The following SCFD2 variants were observed in gnomAD, a reference collection of about 807,000 sequenced individuals.
The protein encoded by SCFD2 is sec1 family domain containing 2.
SCFD2 carries 54 observed loss-of-function variants against 58.9 expected under a neutral mutation model. The ratio of observed to expected loss-of-function variants is 0.92; its 90% CI spans 0.74 to 1.15. The LOEUF is 1.15. Among genes scored for constraint, SCFD2 ranks in the 50% most tolerant of loss-of-function variants. SCFD2 has a pLI of 0.00. For synonymous variants in SCFD2, 321 were observed against 335.9 expected, an observed-to-expected ratio of 0.96 and a Z score of 0.49; for missense variants, 805 against 836.6, an observed-to-expected ratio of 0.96 and a Z score of 0.47.
At chr4:53,287,649 A>G (rs1731711636) in intron 3 of SCFD2, among the ~76,000 whole-genome samples, 1 of 152,220 alleles carries the variant, frequency 6.6e-6, no homozygotes, top group Non-Finnish European at 1.5e-5. Context: ...CCAGATACAC[A>G]GACATCACCA....
intron 5 of SCFD2, among the ~76,000 whole-genome samples, chr4:52,965,011 A>G (rs1720930172): frequency 7.4e-6 from 1 of 134,312 alleles, no homozygotes; most frequent in Admixed American, 8.3e-5. Context: ...AAAACAAAAC[A>G]CAAACACACA....
In SCFD2 at chr4:53,356,731, CT is replaced by C. The variant is rs369411706; in HGVS notation, c.839-3966del. 5.3e-4 allele frequency among the ~76,000 whole-genome samples: 60 copies of C among 112,906 alleles called. 1 individual carries two copies. The highest frequency in any genetic ancestry group is 2.0e-3 in the South Asian group (7 of 3,536). 74.1% of individuals were successfully genotyped at this position (112,906 alleles called of 152,430 possible). On this transcript the variant is annotated intron_variant, in intron 1 of 8. Coordinates refer to ENST00000401642, the MANE Select transcript of SCFD2 (RefSeq NM_152540.4). ...TGAGTCACCACACCCAACTTGTAGA[CT>C]TTTTTTTTTTTTTTTTTTTGTTGAG...
intron 3 of SCFD2, among the ~76,000 whole-genome samples, chr4:53,298,210 G>A (rs568332019): frequency 6.6e-6 from 1 of 152,174 alleles, no homozygotes; most frequent in Non-Finnish European, 1.5e-5. Context: ...AGAAAGGGGT[G>A]ACAGACGGCA....
At chr4:53,141,956 C>G (rs1238015850) in intron 5 of SCFD2, among the ~76,000 whole-genome samples, 1 of 151,998 alleles carries the variant, frequency 6.6e-6, no homozygotes, top group African/African-American at 2.4e-5. Context: ...CCCACCAAAT[C>G]CACTCAGGCT....
Position 53,322,395 on chromosome 4 carries a change from T to C in SCFD2, c.1008-8632A>G, listed in dbSNP as rs1733052376. Among the ~76,000 whole-genome samples the C allele has an allele frequency of 5.9e-5, 9 of 152,132 alleles. No homozygotes were observed. In the South Asian group the frequency reaches 1.9e-3, roughly 32 times the overall value. On this transcript the variant is annotated intron_variant, in intron 2 of 8. Coordinates refer to ENST00000401642, the MANE Select transcript of SCFD2 (RefSeq NM_152540.4). ...AAATGGCATGGCAACATCAGAAAGT[T>C]ACCCTATATGGTCTACAAAGGAGAG...
intron 5 of SCFD2, among the ~76,000 whole-genome samples, chr4:53,065,521 T>A (rs1402420803): frequency 6.6e-6 from 1 of 152,102 alleles, no homozygotes; most frequent in African/African-American, 2.4e-5. Context: ...TAAAAGAATT[T>A]GTTATTTTTC....
At chr4:53,109,285 C>G (rs1725097848) in intron 5 of SCFD2, among the ~76,000 whole-genome samples, 1 of 152,160 alleles carries the variant, frequency 6.6e-6, no homozygotes, top group South Asian at 2.1e-4. Flanking sequence ...AAACTGGAAG[C>G]ATTCCCTTTG....
intron 4 of SCFD2, among the ~76,000 whole-genome samples, chr4:53,248,616 CT>C (rs1219739332): frequency 6.6e-6 from 1 of 152,242 alleles, no homozygotes; most frequent in African/African-American, 2.4e-5. Context: ...TCCCTGACCC[CT>C]GACCCCCGAG....
At chr4:53,004,567 T>C (rs79492503) in intron 5 of SCFD2, among the ~76,000 whole-genome samples, 14,679 of 152,254 alleles carry the variant, frequency 0.096, 932 homozygotes, top group South Asian at 0.18. Flanking sequence ...CACGTAGATG[T>C]TAAGTAGCTT....
At chr4:53,057,598 G>A (rs147962669) in intron 5 of SCFD2, among the ~76,000 whole-genome samples, 5,593 of 152,138 alleles carry the variant, frequency 0.037, 116 homozygotes, top group African/African-American at 0.063. Flanking sequence ...GTCAATAGGT[G>A]CAGCAAACCA....
At chr4:53,107,833 C>G (rs1388039837) in intron 5 of SCFD2, among the ~76,000 whole-genome samples, 1 of 152,192 alleles carries the variant, frequency 6.6e-6, no homozygotes, top group Non-Finnish European at 1.5e-5. Context: ...AGAAAATTAA[C>G]AAGAATATTC....
At chr4:52,932,183 A>G (rs529978967) in intron 5 of SCFD2, among the ~76,000 whole-genome samples, 13 of 152,364 alleles carry the variant, frequency 8.5e-5, no homozygotes, top group Admixed American at 6.5e-4. Context: ...AGAAATGCCA[A>G]TAAAATTGGA....
intron 2 of SCFD2, among the ~76,000 whole-genome samples, chr4:53,330,216 C>T (rs1222117847): frequency 1.3e-5 from 2 of 152,060 alleles, no homozygotes; most frequent in African/African-American, 4.8e-5. Flanking sequence ...CAAGGCAAGC[C>T]AACGTTCAGA....
At chr4:53,270,599 C>T (rs570933417) in intron 4 of SCFD2, among the ~76,000 whole-genome samples, 2 of 152,136 alleles carry the variant, frequency 1.3e-5, no homozygotes, top group South Asian at 4.2e-4. Context: ...ACACAGAAGG[C>T]CCAGGACAAT....
intron 5 of SCFD2, among the ~76,000 whole-genome samples, chr4:52,975,883 T>C (rs1367786630): frequency 6.6e-6 from 1 of 151,984 alleles, no homozygotes; most frequent in Non-Finnish European, 1.5e-5. Context: ...GGGACACGGA[T>C]GAAGCTGGAA....
intron 7 of SCFD2, among the ~76,000 whole-genome samples, chr4:52,890,709 C>T (rs1157792583): frequency 6.6e-6 from 1 of 152,198 alleles, no homozygotes; most frequent in Non-Finnish European, 1.5e-5. Flanking sequence ...GATTTTAAGA[C>T]ATCAGTTCTG....
At chr4:53,006,217 T>C (rs999314666) in intron 5 of SCFD2, among the ~76,000 whole-genome samples, 1 of 152,120 alleles carries the variant, frequency 6.6e-6, no homozygotes, top group Non-Finnish European at 1.5e-5. Flanking sequence ...CAGCCCCCAA[T>C]CACTGTGCCT....
intron 5 of SCFD2, among the ~76,000 whole-genome samples, chr4:53,043,255 T>C (rs1722943630): frequency 6.6e-6 from 1 of 151,982 alleles, no homozygotes; most frequent in Non-Finnish European, 1.5e-5. Flanking sequence ...GAAGCCCACG[T>C]CAGTGACAAG....
chr4:52,916,243 C>T (rs983461740), intron 6 of SCFD2, among the ~76,000 whole-genome samples: 1 of 152,196 alleles, frequency 6.6e-6, no homozygotes, highest in Non-Finnish European at 1.5e-5. Flanking sequence ...TCTCACTAAA[C>T]TGAGCATTTG....
Sources: allele counts gnomAD v4.1 joint callset (sites outside exome capture counted in the v4.1 genomes callset), GRCh38; gene constraint gnomAD v4.1.1; transcripts MANE v1.5; gene names NCBI Gene and HGNC (gene_info 2026-07-23, HGNC 2026-07-21).